The following ATRNL1 variants were observed in gnomAD, a reference collection of about 807,000 sequenced individuals.
ATRNL1 encodes the protein attractin-like protein 1.
In ATRNL1, 95 loss-of-function variants were observed where a neutral mutation model predicts 182.7. The ratio of observed to expected loss-of-function variants is 0.52; its 90% CI spans 0.44 to 0.62. ATRNL1 has a LOEUF of 0.62. Ranked by LOEUF, ATRNL1 falls within the 20% of genes least tolerant of loss-of-function variation. The probability of loss-of-function intolerance (pLI) is 0.00; values close to 1 mark genes in which losing one functional copy is unlikely to be tolerated. For missense variants in ATRNL1, 1,471 were observed against 1,679.5 expected, an observed-to-expected ratio of 0.88 and a Z score of 2.17; for synonymous variants, 576 against 568.3, an observed-to-expected ratio of 1.01 and a Z score of -0.19.
At chr10:115,344,500 C>A (rs1279743371) in intron 19 of ATRNL1, among the ~76,000 whole-genome samples, 1 of 152,082 alleles carries the variant, frequency 6.6e-6, no homozygotes, top group Non-Finnish European at 1.5e-5. Context: ...GTGAATGCTG[C>A]CTGGCCTGGG....
At chr10:115,448,652 A>G (rs1733550290) in intron 21 of ATRNL1, among the ~76,000 whole-genome samples, 1 of 152,144 alleles carries the variant, frequency 6.6e-6, no homozygotes, top group African/African-American at 2.4e-5. Flanking sequence ...AAGTTAGCAG[A>G]AGACAAGAAA....
At chr10:115,878,089 T>C (rs1348661861) in intron 28 of ATRNL1, among the ~76,000 whole-genome samples, 1 of 152,204 alleles carries the variant, frequency 6.6e-6, no homozygotes, top group Non-Finnish European at 1.5e-5. Flanking sequence ...CTCTCAGCGC[T>C]CCTCTGTAGG....
Position 115,670,195 on chromosome 10 carries a change from G to C in ATRNL1, c.3796-57053G>C, listed in dbSNP as rs185548536. ...TGGAAATAATATCCATATACATAGGGATAGTCATACTTTATACAGTTATGG... is the reference window on the plus strand; with the variant it reads ...TGGAAATAATATCCATATACATAGGCATAGTCATACTTTATACAGTTATGG... On this transcript the variant is annotated intron_variant, in intron 26 of 28. Transcript: ENST00000355044. Among the ~76,000 whole-genome samples, 4 of 152,106 alleles carry C rather than the reference G, an allele frequency of 2.6e-5. No homozygotes were observed. The East Asian group carries it at 7.7e-4, about 29-fold the overall frequency.
intron 26 of ATRNL1, among the ~76,000 whole-genome samples, chr10:115,663,465 C>T (rs573251542): frequency 1.3e-5 from 2 of 151,994 alleles, no homozygotes; most frequent in Non-Finnish European, 2.9e-5. Context: ...GTGCTTAGAA[C>T]AGCTGTAGGA....
chr10:115,891,092 A>G (rs576919747), intron 28 of ATRNL1, among the ~76,000 whole-genome samples: 98 of 149,974 alleles, frequency 6.5e-4, no homozygotes, highest in Non-Finnish European at 1.2e-3. Flanking sequence ...AATATGTTCT[A>G]TCTTCCCCAG....
intron 27 of ATRNL1, among the ~76,000 whole-genome samples, chr10:115,786,443 G>A (rs184763506): frequency 3.9e-4 from 59 of 152,234 alleles, no homozygotes; most frequent in Non-Finnish European, 5.4e-4. Context: ...CTCTTTCTAC[G>A]TTCGGGTGGT....
At chr10:115,548,495 G>T (rs991151871) in intron 25 of ATRNL1, among the ~76,000 whole-genome samples, 1 of 152,180 alleles carries the variant, frequency 6.6e-6, no homozygotes, top group African/African-American at 2.4e-5. Flanking sequence ...CAGCGAATTT[G>T]TAGTGTCCCA....
At chr10:115,678,978 A>G (rs553705310) in intron 26 of ATRNL1, among the ~76,000 whole-genome samples, 3 of 152,238 alleles carry the variant, frequency 2.0e-5, no homozygotes, top group South Asian at 2.1e-4. Context: ...TAAACCCTCC[A>G]TTCAAAAATG....
intron 21 of ATRNL1, among the ~76,000 whole-genome samples, chr10:115,443,262 C>T (rs1388176647): frequency 1.3e-5 from 2 of 151,868 alleles, no homozygotes; most frequent in Non-Finnish European, 2.9e-5. Context: ...AATTTTTGGT[C>T]TCAAAGTCTA....
At chr10:115,286,041 T>A (rs538779805) in intron 14 of ATRNL1, among the ~76,000 whole-genome samples, 175 bp from the exon 15 acceptor site, 130 of 152,200 alleles carry the variant, frequency 8.5e-4, no homozygotes, top group Admixed American at 1.6e-3. Context: ...AAAGTTGGGA[T>A]GTTCTGCTTT....
chr10:115,733,834 A>G (rs1252349527), intron 27 of ATRNL1, among the ~76,000 whole-genome samples: 1 of 152,142 alleles, frequency 6.6e-6, no homozygotes, highest in African/African-American at 2.4e-5. Flanking sequence ...CATCCTCATT[A>G]TAGATAAATA....
chr10:115,170,863 G>A (rs1293708126), intron 7 of ATRNL1, among the ~76,000 whole-genome samples, 174 bp from the exon 8 acceptor site: 3 of 151,772 alleles, frequency 2.0e-5, no homozygotes, highest in African/African-American at 7.3e-5. Context: ...GTATATAAAA[G>A]CATTAGTTGT....
intron 24 of ATRNL1, among the ~76,000 whole-genome samples, chr10:115,481,354 A>G (rs1380760844): frequency 6.6e-6 from 1 of 150,800 alleles, no homozygotes; most frequent in African/African-American, 2.4e-5. Flanking sequence ...ATTTTAGAAA[A>G]TTATTTCTTT....
chr10:115,582,479 A>G lies in ATRNL1; in HGVS notation c.3795+32943A>G, dbSNP rs1261949777. Among the ~76,000 whole-genome samples, 629 of 131,466 alleles carry G rather than the reference A, an allele frequency of 4.8e-3. 9 individuals are homozygous for G. Among genetic ancestry groups the G allele is most frequent in the African/African-American group, 0.016 (594 of 37,662 alleles). 86.2% of individuals were successfully genotyped at this position (131,466 alleles called of 152,430 possible). ...GTATCTCATTGTGGTTTTGATTTGC[A>G]TTTCTCTGATGGCCAGTGATGGTGA... On this transcript the variant is annotated intron_variant, in intron 26 of 28. Coordinates refer to ENST00000355044, the MANE Select transcript of ATRNL1 (RefSeq NM_207303.4).
At chr10:115,782,552 G>C (rs1949290047) in intron 27 of ATRNL1, among the ~76,000 whole-genome samples, 1 of 152,048 alleles carries the variant, frequency 6.6e-6, no homozygotes, top group East Asian at 1.9e-4. Flanking sequence ...GGCTATAGTA[G>C]GCCACCTGTA....
At chr10:115,903,216 A>G (rs1212654732) in intron 28 of ATRNL1, among the ~76,000 whole-genome samples, 2 of 152,176 alleles carry the variant, frequency 1.3e-5, no homozygotes, top group African/African-American at 4.8e-5. Context: ...TGATACATTC[A>G]TTTTGCATCT....
intron 26 of ATRNL1, among the ~76,000 whole-genome samples, chr10:115,676,198 A>G (rs879980315): frequency 6.6e-5 from 10 of 152,104 alleles, no homozygotes; most frequent in Admixed American, 5.3e-4. Flanking sequence ...GGATGTTGTG[A>G]TGCACAAAAC....
intron 18 of ATRNL1, among the ~76,000 whole-genome samples, chr10:115,332,824 G>GT (rs71303571): frequency 0.24 from 34,800 of 147,960 alleles, 4,999 homozygotes; most frequent in Non-Finnish European, 0.34. Flanking sequence ...TTTAATATCT[G>GT]TTTTTTTTTT....
intron 10 of ATRNL1, among the ~76,000 whole-genome samples, chr10:115,261,287 A>G (rs1224805738): frequency 6.6e-6 from 1 of 152,196 alleles, no homozygotes; most frequent in Non-Finnish European, 1.5e-5. Context: ...TTAGAATTGC[A>G]GATTCTCAAA....
Sources: gnomAD v4.1 joint callset for allele counts (sites outside exome capture counted in the v4.1 genomes callset) on GRCh38, gnomAD v4.1.1 for gene constraint, MANE v1.5 for transcripts, NCBI Gene and HGNC (gene_info 2026-07-23, HGNC 2026-07-21) for gene names.